LARP4B: variants seen among roughly 807,000 people sequenced by gnomAD.
The protein encoded by LARP4B is La ribonucleoprotein 4B.
A neutral mutation model predicts 89.8 loss-of-function variants in LARP4B; 12 were observed. The ratio of observed to expected loss-of-function variants is 0.13; its 90% CI spans 0.09 to 0.22. LARP4B has a LOEUF of 0.22. Ranked by LOEUF, LARP4B falls within the 10% of genes least tolerant of loss-of-function variation. The probability of loss-of-function intolerance (pLI) is 1.00; values close to 1 mark genes in which losing one functional copy is unlikely to be tolerated. For synonymous variants in LARP4B, 367 were observed against 363.3 expected (o/e 1.01, Z -0.12); for missense variants, 757 against 947.7 (o/e 0.80, Z 2.64).
At chr10:830,191 C>T (rs1045833574) in intron 9 of LARP4B, among the ~76,000 whole-genome samples, 1 of 152,076 alleles carries the variant, frequency 6.6e-6, no homozygotes, top group Non-Finnish European at 1.5e-5. Context: ...TACATTAAAC[C>T]CCTATAAAAC....
intron 1 of LARP4B, among the ~76,000 whole-genome samples, chr10:912,336 T>G (rs888688344): frequency 6.6e-5 from 10 of 151,886 alleles, no homozygotes; most frequent in African/African-American, 1.7e-4. Flanking sequence ...AAAAAAAATC[T>G]TCATACTGTT....
the LARP4B span, among the ~76,000 whole-genome samples, chr10:966,080 GTGTGTA>G: frequency 9.4e-4 from 117 of 124,738 alleles, no homozygotes; most frequent in African/African-American, 1.3e-3. Context: ...GTGTGTGTGT[GTGTGTA>G]TGAGATTTTA....
intron 1 of LARP4B, among the ~76,000 whole-genome samples, chr10:898,032 G>T (rs1057501881): frequency 1.5e-5 from 2 of 131,356 alleles, no homozygotes; most frequent in Non-Finnish European, 3.3e-5. Flanking sequence ...TGATCCGAAC[G>T]AACATTTTCC....
chr10:817,703 A>G (rs774631680), intron 15 of LARP4B, 22 bp downstream of exon 15: 19 of 1,605,108 alleles, frequency 1.2e-5, no homozygotes, highest in Admixed American at 1.7e-5. Context: ...GGCAACTATT[A>G]GACATGCAAT....
At chr10:937,593 CT>C in the LARP4B span, among the ~76,000 whole-genome samples, 2 of 152,240 alleles carry the variant, frequency 1.3e-5, no homozygotes, top group South Asian at 2.1e-4. Flanking sequence ...CTGACCCCCC[CT>C]CCCCCACACC....
At chr10:943,527 C>T in the LARP4B span, among the ~76,000 whole-genome samples, 5 of 151,942 alleles carry the variant, frequency 3.3e-5, no homozygotes, top group Non-Finnish European at 5.9e-5. Flanking sequence ...CCTCCTGGGC[C>T]CAGATGATCC....
At chr10:931,149 C>G (rs1158849597) in intron 1 of LARP4B, among the ~76,000 whole-genome samples, 2 of 149,558 alleles carry the variant, frequency 1.3e-5, no homozygotes, top group Non-Finnish European at 3.0e-5. Context: ...CATCCTCAGC[C>G]CCAGTTTTCC....
At position 829,580 on chromosome 10, in the gene LARP4B, T is replaced by C; in HGVS notation, c.930A>G (p.Ala310=). The C allele has an allele frequency of 1.2e-6, 2 of 1,614,176 alleles. No homozygotes were observed. ...QGKPIKARIK[A]KAIAINTFLP... Reference sequence around the variant, plus strand: ...AAAATGTGTTTATAGCTATTGCCTTTGCTTTTATCCGTGCCTGTTTGAAAA... The same window carrying C: ...AAAATGTGTTTATAGCTATTGCCTTCGCTTTTATCCGTGCCTGTTTGAAAA... Residue 310 remains alanine (A), a synonymous_variant, in exon 11 of 18, where the codon GCA becomes GCG. Transcript: ENST00000316157.
chr10:975,002 G>A, the LARP4B span, among the ~76,000 whole-genome samples: 3 of 152,240 alleles, frequency 2.0e-5, no homozygotes, highest in African/African-American at 4.8e-5. Context: ...CAGTGGCTGG[G>A]ATGGGGTCTG....
chr10:857,640 G>GTTAATAA (rs1333812062), intron 5 of LARP4B, among the ~76,000 whole-genome samples: 9 of 152,148 alleles, frequency 5.9e-5, no homozygotes, highest in African/African-American at 2.2e-4. Context: ...CAAGCGCTCG[G>GTTAATAA]GAGTTTGTCT....
intron 3 of LARP4B, chr10:870,081 T>G (rs1046298195): frequency 1.0e-6 from 1 of 984,344 alleles, no homozygotes; most frequent in African/African-American, 1.7e-5. Flanking sequence ...TGAGGAGTGT[T>G]TTCTGAAAAC....
the LARP4B span, among the ~76,000 whole-genome samples, chr10:983,126 TG>T: frequency 1.3e-5 from 2 of 152,266 alleles, no homozygotes; most frequent in African/African-American, 4.8e-5. Context: ...GTAGCATATT[TG>T]GATTAATTAT....
intron 1 of LARP4B, among the ~76,000 whole-genome samples, chr10:892,030 G>A (rs544964618): frequency 6.6e-6 from 1 of 152,326 alleles, no homozygotes; most frequent in African/African-American, 2.4e-5. Flanking sequence ...TCCCGGCATG[G>A]CCTAAAAGCA....
rs571039690 is a variant in LARP4B at position 895,683 on chromosome 10, AAAAAG to A, written c.-39-9928_-39-9924del. The stretch of plus-strand genomic sequence containing the variant: ...GCAAGAGTCCATCTCAAAAAAAAAA[AAAAAG>A]AAAAGAAAAGTAGAAACGAATGCAG... On this transcript the variant is annotated intron_variant, in intron 1 of 17. Coordinates refer to ENST00000316157, the MANE Select transcript of LARP4B (RefSeq NM_015155.3). 1.2e-3 allele frequency among the ~76,000 whole-genome samples: 188 copies of A among 152,050 alleles called. 1 individual carries two copies. Among genetic ancestry groups the A allele is most frequent in the African/African-American group, 4.3e-3 (177 of 41,522 alleles).
intron 1 of LARP4B, among the ~76,000 whole-genome samples, chr10:927,684 T>C (rs763352700): frequency 1.3e-5 from 2 of 152,182 alleles, no homozygotes; most frequent in South Asian, 2.1e-4. Context: ...CAAAAGAGCA[T>C]AAGCAAGGAA....
chr10:887,015 A>G (rs1835876488), intron 1 of LARP4B, among the ~76,000 whole-genome samples: 1 of 152,074 alleles, frequency 6.6e-6, no homozygotes, highest in African/African-American at 2.4e-5. Flanking sequence ...TGAACCCGGG[A>G]AGCAGGGGTT....
chr10:813,439 T>C (rs1339736941), intron 17 of LARP4B, among the ~76,000 whole-genome samples: 2 of 152,232 alleles, frequency 1.3e-5, no homozygotes, highest in Non-Finnish European at 2.9e-5. Flanking sequence ...AGAAAAGGCA[T>C]GACGAAGAAG....
chr10:813,061 C>T lies in LARP4B; in HGVS notation c.2082G>A (p.Arg694=). Reference sequence around the variant, plus strand: ...GTGTGGACTTGAGGGCTGGGGGCTCCCGGTATCTCTCTGCGGGCTCTGCCA... The same window carrying T: ...GTGTGGACTTGAGGGCTGGGGGCTCTCGGTATCTCTCTGCGGGCTCTGCCA... ...KKLAEPAERY[R]EPPALKSTPG... is the part of the protein sequence containing the mutation. The change falls in exon 18 of 18, where the codon CGG becomes CGA. Residue 694 remains arginine, a synonymous_variant. Transcript: ENST00000316157. 1 of 1,614,080 alleles carries T rather than the reference C, an allele frequency of 6.2e-7. No individual in the cohort carries two copies.
At chr10:912,586 C>G (rs1197464917) in intron 1 of LARP4B, among the ~76,000 whole-genome samples, 1 of 151,718 alleles carries the variant, frequency 6.6e-6, no homozygotes, top group Non-Finnish European at 1.5e-5. Flanking sequence ...ATATGACGTT[C>G]TATGGCCGAG....
Sources: allele counts gnomAD v4.1 joint callset (sites outside exome capture counted in the v4.1 genomes callset), GRCh38; gene constraint gnomAD v4.1.1; transcripts MANE v1.5; gene names NCBI Gene and HGNC (gene_info 2026-07-23, HGNC 2026-07-21).